Variants in XK observed in about 807,000 individuals in gnomAD.
XK encodes endoplasmic reticulum membrane adapter protein XK.
A neutral mutation model predicts 14.0 loss-of-function variants in XK; 2 were observed. That is an observed-to-expected ratio of 0.14 (90% confidence interval 0.06 to 0.45). XK has a LOEUF of 0.45. Ranked by LOEUF, XK falls within the 20% of genes least tolerant of loss-of-function variation. The pLI, the probability that XK is intolerant of heterozygous loss-of-function variation, is 0.98. For synonymous variants in XK, 149 were observed against 147.5 expected (o/e 1.01, Z -0.08); for missense variants, 235 against 341.5 (o/e 0.69, Z 2.46).
At chrX:37,703,922 G>A (rs782639436) in intron 2 of XK, among the ~76,000 whole-genome samples, 130 of 112,368 alleles carry the variant, frequency 1.2e-3, no homozygotes, top group Non-Finnish European at 1.7e-3. Context: ...CAGGAGAAAA[G>A]TGCTGATTTT....
intron 2 of XK, among the ~76,000 whole-genome samples, chrX:37,703,232 T>C (rs1927448313): frequency 1.8e-5 from 2 of 112,440 alleles, no homozygotes; most frequent in Admixed American, 1.9e-4. Context: ...TTATCCTTCT[T>C]ATATTTAGGA....
At chrX:37,694,109 A>G (rs1927259771) in intron 1 of XK, among the ~76,000 whole-genome samples, 177 bp from the exon 2 acceptor site, 1 of 112,359 alleles carries the variant, frequency 8.9e-6, no homozygotes, top group Admixed American at 9.4e-5. Flanking sequence ...GCTGGAAAGC[A>G]TCAAGAGGAC....
intron 1 of XK, among the ~76,000 whole-genome samples, chrX:37,687,324 G>T (rs782467056): frequency 9.1e-6 from 1 of 109,488 alleles, no homozygotes; most frequent in East Asian, 2.9e-4. Flanking sequence ...CTGGAGTGCA[G>T]TAGCAAGATC....
At chrX:37,712,438 T>C (rs1927683590) in intron 2 of XK, among the ~76,000 whole-genome samples, 1 of 112,293 alleles carries the variant, frequency 8.9e-6, no homozygotes, top group African/African-American at 3.2e-5. Flanking sequence ...TTACATGATA[T>C]AAGCTTATAA....
Position 37,728,015 on chromosome X carries a change from T to G in XK, c.888T>G (p.Ser296=). The change falls in exon 3 of 3, where the codon TCT becomes TCG. Residue 296 remains serine (S), a synonymous_variant. Transcript: ENST00000378616. ...LYTGINMFCW[S]AVQLKIDSPD... is the part of the protein sequence containing the mutation. ...CTGGTATCAACATGTTCTGCTGGTC[T>G]GCTGTACAGCTGAAAATTGACAGCC... 1 of 1,211,586 alleles carries G rather than the reference T, an allele frequency of 8.3e-7. No individual in the cohort carries two copies. Among genetic ancestry groups the G allele is most frequent in the Non-Finnish European group, 1.1e-6 (1 of 895,447 alleles).
chrX:37,713,344 AAGG>A (rs1212357321), intron 2 of XK, among the ~76,000 whole-genome samples: 13 of 111,685 alleles, frequency 1.2e-4, no homozygotes, highest in African/African-American at 4.2e-4. Flanking sequence ...AAGAGACATG[AAGG>A]AGAAGTTTTC....
chrX:37,731,354 A>G lies in XK; in HGVS notation c.*2892A>G, dbSNP rs1928082645. On this transcript the variant is annotated 3_prime_UTR_variant, in exon 3 of 3. Transcript: ENST00000378616. ...AAGTAAGTTCATCAAACATGTTTAG[A>G]CTTCCTCTCATTGCTGGAGACAGCC... 8.9e-6 allele frequency: 1 copy of G among 111,854 alleles called. No homozygotes were observed. Among genetic ancestry groups the G allele is most frequent in the African/African-American group, 3.3e-5 (1 of 30,730 alleles). The allele number at this position is 111,854 out of a possible 1,213,427, so 9.2% of individuals were successfully genotyped here.
intron 1 of XK, among the ~76,000 whole-genome samples, chrX:37,690,095 C>A (rs1419394607): frequency 8.9e-6 from 1 of 112,047 alleles, no homozygotes; most frequent in Admixed American, 9.5e-5. Flanking sequence ...CATAGTATAT[C>A]TTTCTATATT....
rs781850007 is a variant in XK at position 37,715,060 on chromosome X, G to A, written c.509-12576G>A. ...TATATCTCCAAATATATACATATAT[G>A]TGTATATATATTTCCAAATATATAC... On this transcript the variant is annotated intron_variant, in intron 2 of 2. Coordinates refer to ENST00000378616, the MANE Select transcript of XK (RefSeq NM_021083.4). 3.6e-5 allele frequency among the ~76,000 whole-genome samples: 4 copies of A among 109,907 alleles called. No individual in the cohort carries two copies. In the South Asian group the frequency reaches 1.5e-3, roughly 42 times the overall value.
rs1014723516 is a variant in XK, at chrX:37,731,810, C to T, written c.*3348C>T. On this transcript the variant is annotated 3_prime_UTR_variant, in exon 3 of 3. Transcript: ENST00000378616. Reference sequence around the variant, plus strand: ...GAATTTATCATTTTAGTATAGTTTTCGATAAAGGATATAGCAACATCTTTT... The same window carrying T: ...GAATTTATCATTTTAGTATAGTTTTTGATAAAGGATATAGCAACATCTTTT... 2 of 111,679 alleles carry T rather than the reference C, an allele frequency of 1.8e-5. No homozygotes were observed. The highest frequency in any genetic ancestry group is 3.3e-5 in the African/African-American group (1 of 30,748). The allele number at this position is 111,679 out of a possible 1,213,427, so 9.2% of individuals were successfully genotyped here. A position where few individuals can be genotyped will look rare whatever the true frequency, so the allele number is the denominator to read the frequency against.
At chrX:37,718,283 G>A (rs374267397) in intron 2 of XK, among the ~76,000 whole-genome samples, 2 of 111,101 alleles carry the variant, frequency 1.8e-5, no homozygotes, top group African/African-American at 3.3e-5. Context: ...GCAGAAAGCC[G>A]ACTTCTCACA....
intron 2 of XK, among the ~76,000 whole-genome samples, chrX:37,706,441 T>A (rs1434535678): frequency 9.0e-6 from 1 of 110,599 alleles, no homozygotes; most frequent in Non-Finnish European, 1.9e-5. Context: ...ATTACATAGG[T>A]AATATTTTAG....
chrX:37,694,637 C>G, intron 2 of XK, 89 bp downstream of exon 2: 1 of 1,074,465 alleles, frequency 9.3e-7, no homozygotes, highest in Non-Finnish European at 1.3e-6. Flanking sequence ...GAAATTTGTT[C>G]TTAAGTGCAC....
At chrX:37,696,320 A>T (rs1471030536) in intron 2 of XK, among the ~76,000 whole-genome samples, 1 of 112,696 alleles carries the variant, frequency 8.9e-6, no homozygotes, top group Non-Finnish European at 1.9e-5. Context: ...CCTTGTTATA[A>T]TTTTTCAGAC....
chrX:37,710,554 G>A (rs1927642943), intron 2 of XK, among the ~76,000 whole-genome samples: 1 of 111,860 alleles, frequency 8.9e-6, no homozygotes, highest in African/African-American at 3.3e-5. Flanking sequence ...TCAGCACTCT[G>A]GGAGGCTGAG....
chrX:37,706,577 G>A (rs782270382), intron 2 of XK, among the ~76,000 whole-genome samples: 30 of 107,416 alleles, frequency 2.8e-4, no homozygotes, highest in Non-Finnish European at 5.2e-4. Context: ...ATTGTAGGTC[G>A]TGCAGGTGGG....
chrX:37,721,899 T>G (rs1927880893), intron 2 of XK, among the ~76,000 whole-genome samples: 1 of 111,326 alleles, frequency 9.0e-6, no homozygotes, highest in Admixed American at 9.5e-5. Flanking sequence ...TGCTACAACA[T>G]GGATGAACCT....
chrX:37,704,062 A>G (rs1426764677), intron 2 of XK, among the ~76,000 whole-genome samples: 2 of 111,727 alleles, frequency 1.8e-5, no homozygotes, highest in Non-Finnish European at 1.9e-5. Context: ...ACTAACCATT[A>G]TCTTAAATGT....
intron 2 of XK, among the ~76,000 whole-genome samples, chrX:37,695,774 T>C (rs1038232916): frequency 1.8e-5 from 2 of 112,147 alleles, no homozygotes; most frequent in Non-Finnish European, 1.9e-5. Context: ...GTTGCCTGAT[T>C]ATGATTCTTA....
Sources: gnomAD v4.1 joint callset for allele counts (sites outside exome capture counted in the v4.1 genomes callset) on GRCh38, gnomAD v4.1.1 for gene constraint, MANE v1.5 for transcripts, NCBI Gene and HGNC (gene_info 2026-07-23, HGNC 2026-07-21) for gene names.